The following CIT variants were observed in gnomAD, a reference collection of about 807,000 sequenced individuals.
The protein encoded by CIT is citron rho-interacting serine/threonine kinase.
CIT carries 79 observed loss-of-function variants against 272.7 expected under a neutral mutation model. The ratio of observed to expected loss-of-function variants is 0.29; its 90% CI spans 0.24 to 0.35. The LOEUF (loss-of-function observed/expected upper bound fraction) is 0.35, where lower values mean the gene tolerates loss of function less well. Among genes scored for constraint, CIT ranks in the 10% least tolerant of loss-of-function variants. The pLI, the probability that CIT is intolerant of heterozygous loss-of-function variation, is 1.00. For missense variants in CIT, 1,909 were observed against 2,618.3 expected (o/e 0.73, Z 5.91); for synonymous variants, 948 against 995.6 (o/e 0.95, Z 0.90).
At chr12:119,868,516 G>A (rs1263757236) in intron 3 of CIT, among the ~76,000 whole-genome samples, 2 of 152,062 alleles carry the variant, frequency 1.3e-5, no homozygotes, top group Non-Finnish European at 2.9e-5. Context: ...CTCATTCCTG[G>A]ATTTCTCAGT....
intron 3 of CIT, among the ~76,000 whole-genome samples, chr12:119,862,277 G>C (rs1428472033): frequency 6.6e-6 from 1 of 152,094 alleles, no homozygotes; most frequent in Non-Finnish European, 1.5e-5. Context: ...TTACAGGCGT[G>C]AGCCACTACA....
chr12:119,724,799 C>T (rs940634908), intron 28 of CIT, among the ~76,000 whole-genome samples: 1 of 151,616 alleles, frequency 6.6e-6, no homozygotes, highest in Non-Finnish European at 1.5e-5. Context: ...ATTAGCCGGG[C>T]GTGATAGCAG....
chr12:119,715,167 T>C (rs1289691650), intron 32 of CIT, among the ~76,000 whole-genome samples: 2 of 152,230 alleles, frequency 1.3e-5, no homozygotes, highest in African/African-American at 2.4e-5. Context: ...ACATGCCTTT[T>C]GCCTTCCACC....
At chr12:119,859,071 G>A (rs940744747) in intron 3 of CIT, among the ~76,000 whole-genome samples, 1 of 152,160 alleles carries the variant, frequency 6.6e-6, no homozygotes, top group Non-Finnish European at 1.5e-5. Flanking sequence ...TAGATACACT[G>A]ATCTGAGACA....
intron 7 of CIT, among the ~76,000 whole-genome samples, chr12:119,829,356 G>GAAGAGAAGAGA (rs1968432231): frequency 1.2e-5 from 1 of 82,634 alleles, no homozygotes; most frequent in Non-Finnish European, 3.0e-5. Flanking sequence ...GAAGAGAAGA[G>GAAGAGAAGAGA]AAGAGAAGAG....
intron 7 of CIT, among the ~76,000 whole-genome samples, chr12:119,826,082 GA>G (rs975362233): frequency 6.6e-6 from 1 of 151,956 alleles, no homozygotes; most frequent in African/African-American, 2.4e-5. Flanking sequence ...AGAAAAAAGA[GA>G]AGAGAACTGG....
chr12:119,708,410 C>A, intron 39 of CIT, 92 bp from the exon 40 acceptor site: 1 of 1,246,216 alleles, frequency 8.0e-7, no homozygotes, highest in South Asian at 2.4e-5. Context: ...AAGTAAAAGT[C>A]ACAAGAGGCC....
rs1214117940 is a variant in CIT, at chr12:119,767,200, GAC to G, written c.2209-20_2209-19del. The G allele has an allele frequency of 3.8e-6, 6 of 1,593,202 alleles. No individual in the cohort carries two copies. The highest frequency in any genetic ancestry group is 1.3e-5 in the African/African-American group (1 of 74,378). On this transcript the variant is annotated intron_variant, in intron 18 of 47. Coordinates refer to ENST00000392521, the MANE Select transcript of CIT (RefSeq NM_001206999.2). ...TCGAGCTCCTAGACACAAAAGAAAA[GAC>G]AGTCAGGTGTGCAGAGGGCAGGACA... is the stretch of plus-strand genomic sequence containing the variant.
At chr12:119,815,473 G>C (rs561256923) in intron 9 of CIT, among the ~76,000 whole-genome samples, 55 of 152,278 alleles carry the variant, frequency 3.6e-4, no homozygotes, top group African/African-American at 1.3e-3. Flanking sequence ...TTGGGAGGCC[G>C]AGGTGGGCGG....
At position 119,710,100 on chromosome 12, in the gene CIT, T is replaced by C; in HGVS notation, c.5071+151A>G. 2.4e-6 allele frequency: 2 copies of C among 826,388 alleles called. No homozygotes were observed. The highest frequency in any genetic ancestry group is 2.4e-5 in the East Asian group (1 of 40,878). 51.2% of individuals were successfully genotyped at this position (826,388 alleles called of 1,614,324 possible). On this transcript the variant is annotated intron_variant, in intron 39 of 47. Coordinates refer to ENST00000392521, the MANE Select transcript of CIT (RefSeq NM_001206999.2). This position sits in a 1 kb window ranked among gnomAD's most constrained non-coding sequence, Gnocchi z 5.6. ...ACTGAATCTGGACAGAGGGGGTCCA[T>C]TAGCTGAGGCTTGGGCATCTATGGG... is the stretch of plus-strand genomic sequence containing the variant.
intron 9 of CIT, among the ~76,000 whole-genome samples, chr12:119,806,744 C>T (rs940485596): frequency 6.6e-6 from 1 of 151,824 alleles, no homozygotes; most frequent in Non-Finnish European, 1.5e-5. Flanking sequence ...AGAATTAGCC[C>T]TCCAAAAACT....
intron 2 of CIT, among the ~76,000 whole-genome samples, chr12:119,870,575 G>C (rs1432498119): frequency 9.0e-6 from 1 of 111,696 alleles, no homozygotes; most frequent in Non-Finnish European, 2.0e-5. Context: ...AAAAAAAAAG[G>C]CAGCTTAGCA....
chr12:119,768,149 T>G lies in CIT; in HGVS notation c.2209-967A>C, dbSNP rs577719564. ...CTGGTTTCAAACTCCTGACCTCAGG[T>G]GATCCACCCGCCTCAGCCTCCCAAA... is the stretch of plus-strand genomic sequence containing the variant. On this transcript the variant is annotated intron_variant, in intron 18 of 47. Transcript: ENST00000392521. This position sits in a 1 kb window ranked among gnomAD's most constrained non-coding sequence, Gnocchi z 4.3. Among the ~76,000 whole-genome samples, 1 of 152,150 alleles carries G rather than the reference T, an allele frequency of 6.6e-6. No individual in the cohort carries two copies. Among genetic ancestry groups the G allele is most frequent in the Non-Finnish European group, 1.5e-5 (1 of 68,012 alleles).
At chr12:119,839,436 G>A (rs1036125515) in intron 5 of CIT, among the ~76,000 whole-genome samples, 6 of 152,200 alleles carry the variant, frequency 3.9e-5, no homozygotes, top group African/African-American at 1.2e-4. Context: ...ATGTAATGAC[G>A]CTGGCGGCAT....
chr12:119,704,309 G>A, intron 41 of CIT, 54 bp downstream of exon 41: 2 of 1,523,862 alleles, frequency 1.3e-6, no homozygotes, highest in Non-Finnish European at 1.8e-6. Context: ...CTGGCTCGCT[G>A]AGAGAGCAGG....
chr12:119,843,629 G>A (rs1969561864), intron 5 of CIT, among the ~76,000 whole-genome samples: 2 of 152,052 alleles, frequency 1.3e-5, no homozygotes, highest in South Asian at 2.1e-4. Flanking sequence ...GGTTAACATA[G>A]TGAAACCCCG....
At chr12:119,810,635 A>G (rs1053295221) in intron 9 of CIT, among the ~76,000 whole-genome samples, 2 of 150,844 alleles carry the variant, frequency 1.3e-5, no homozygotes, top group Non-Finnish European at 2.9e-5. Context: ...CCCGGGAGAC[A>G]GAGGTTGCAA....
intron 3 of CIT, among the ~76,000 whole-genome samples, chr12:119,861,108 G>A (rs969982210): frequency 6.0e-5 from 9 of 150,590 alleles, no homozygotes; most frequent in Admixed American, 1.3e-4. Context: ...GGGATACAGC[G>A]AGACTCTGTC....
At chr12:119,726,035 T>TGTGTGTGTGTGTGTGTGTG (rs1565946454) in intron 28 of CIT, among the ~76,000 whole-genome samples, 1 of 145,080 alleles carries the variant, frequency 6.9e-6, no homozygotes, top group African/African-American at 2.5e-5. Context: ...TGTGTGTGTG[T>TGTGTGTGTGTGTGTGTGTG]TTAGTATTAA....
Sources: gnomAD v4.1 joint callset for allele counts (sites outside exome capture counted in the v4.1 genomes callset) on GRCh38, gnomAD v4.1.1 for gene constraint, Gnocchi (gnomAD v3.1) non-coding constraint, MANE v1.5 for transcripts, NCBI Gene and HGNC (gene_info 2026-07-23, HGNC 2026-07-21) for gene names.